The following CLDN16 variants were observed in gnomAD, a reference collection of about 807,000 sequenced individuals.
CLDN16 encodes the protein claudin-16.
CLDN16 carries 13 observed loss-of-function variants against 24.6 expected under a neutral mutation model. The ratio of observed to expected loss-of-function variants is 0.53; its 90% CI spans 0.34 to 0.84. The LOEUF (loss-of-function observed/expected upper bound fraction) is 0.84, where lower values mean the gene tolerates loss of function less well. CLDN16 is among the 40% of genes least tolerant of loss of function. The probability of loss-of-function intolerance (pLI) is 0.01; values close to 1 mark genes in which losing one functional copy is unlikely to be tolerated. For synonymous variants in CLDN16, 116 were observed against 106.7 expected (o/e 1.09, Z -0.54); for missense variants, 298 against 292.7 (o/e 1.02, Z -0.13).
Position 190,410,803 on chromosome 3 carries a change from TG to T in CLDN16, c.*768del, listed in dbSNP as rs886058249. 1.3e-5 allele frequency: 2 copies of T among 152,220 alleles called. No individual in the cohort carries two copies. The highest frequency in any genetic ancestry group is 2.9e-5 in the Non-Finnish European group (2 of 68,048). The allele number at this position is 152,220 out of a possible 1,614,324, so 9.4% of individuals were successfully genotyped here. A position where few individuals can be genotyped will look rare whatever the true frequency, so the allele number is the denominator to read the frequency against. ...TCAACCAGAGAATTTACTCATTTAT[TG>T]ATTAAACATCCAAATACTATTGTAA... On this transcript the variant is annotated 3_prime_UTR_variant, in exon 5 of 5. Transcript: ENST00000264734.
chr3:190,364,948 C>CT (rs1024174266), intron 1 of CLDN16, among the ~76,000 whole-genome samples: 1 of 151,478 alleles, frequency 6.6e-6, no homozygotes, highest in African/African-American at 2.4e-5. Context: ...TCTGTCTCTT[C>CT]TTTTTTTTCT....
At chr3:190,318,878 C>A (rs1716839642), upstream of CLDN16, among the ~76,000 whole-genome samples, 2 of 152,082 alleles carry the variant, frequency 1.3e-5, no homozygotes, top group Admixed American at 6.6e-5. Flanking sequence ...AGCTCACAGC[C>A]ACCAATACTC....
upstream of CLDN16, among the ~76,000 whole-genome samples, chr3:190,319,860 T>C (rs1716871153): frequency 6.6e-6 from 1 of 152,158 alleles, no homozygotes; most frequent in African/African-American, 2.4e-5. Context: ...GGCAGAGAAA[T>C]GAAGTAAGGT....
intron 2 of CLDN16, among the ~76,000 whole-genome samples, chr3:190,373,350 C>G (rs1434681429): frequency 6.6e-6 from 1 of 151,942 alleles, no homozygotes; most frequent in African/African-American, 2.4e-5. Context: ...TACTTTACAC[C>G]TACGACCACA....
chr3:190,352,142 T>C lies in CLDN16; in HGVS notation n.122-18751T>C, dbSNP rs549354658. 6.0e-5 allele frequency among the ~76,000 whole-genome samples: 8 copies of C among 133,458 alleles called. No individual in the cohort carries two copies. The East Asian group carries it at 1.6e-3, about 27-fold the overall frequency. 87.6% of individuals were successfully genotyped at this position (133,458 alleles called of 152,430 possible). A position where few individuals can be genotyped will look rare whatever the true frequency, so the allele number is the denominator to read the frequency against. ...TGAAACTAGAAGGCAATTGAAAAAG[T>C]TTTTTTTTTTTTAAAAAAAGACAAA... On this transcript the variant is annotated intron_variant and non_coding_transcript_variant, in intron 1 of 4. Transcript: ENST00000468220.
chr3:190,404,281 T>G (rs1719033225), intron 2 of CLDN16, among the ~76,000 whole-genome samples: 1 of 152,144 alleles, frequency 6.6e-6, no homozygotes, highest in Non-Finnish European at 1.5e-5. Flanking sequence ...CAAAAAGAAG[T>G]CTTGAAATAT....
At chr3:190,363,596 A>ATATATATATATATT (rs1460049752) in intron 1 of CLDN16, among the ~76,000 whole-genome samples, 6 of 131,174 alleles carry the variant, frequency 4.6e-5, no homozygotes, top group Non-Finnish European at 6.5e-5. Flanking sequence ...ATATATATAT[A>ATATATATATATATT]TTTTCTTTCT....
the CLDN16 span, among the ~76,000 whole-genome samples, chr3:190,304,645 A>G: frequency 3.9e-5 from 6 of 152,180 alleles, no homozygotes; most frequent in Admixed American, 3.3e-4. Context: ...GTTGCATGAT[A>G]CCAGCTAAAT....
chr3:190,410,145 A>C lies in CLDN16; in HGVS notation c.*109A>C. 8.1e-7 allele frequency: 1 copy of C among 1,230,718 alleles called. No homozygotes were observed. The highest frequency in any genetic ancestry group is 1.2e-6 in the Non-Finnish European group (1 of 837,744). The allele number at this position is 1,230,718 out of a possible 1,614,324, so 76.2% of individuals were successfully genotyped here. On this transcript the variant is annotated 3_prime_UTR_variant, in exon 5 of 5. Transcript: ENST00000264734. ...AGTTATTTAGAATTCATATTGAATT[A>C]AATTAATTGCTAGCTTAATCAAAAT... is the stretch of plus-strand genomic sequence containing the variant.
intron 1 of CLDN16, among the ~76,000 whole-genome samples, chr3:190,365,577 A>C (rs1413124837): frequency 6.7e-6 from 1 of 149,132 alleles, no homozygotes; most frequent in African/African-American, 2.5e-5. Flanking sequence ...AACCAGCCTC[A>C]CAACTCTAAT....
chr3:190,355,356 C>T (rs188125111), intron 1 of CLDN16, among the ~76,000 whole-genome samples: 2 of 151,916 alleles, frequency 1.3e-5, no homozygotes, highest in Admixed American at 1.3e-4. Flanking sequence ...TAGCCAAATA[C>T]TTAAAAATTA....
chr3:190,337,374 C>T (rs1047111343), intron 1 of CLDN16, among the ~76,000 whole-genome samples: 4 of 152,164 alleles, frequency 2.6e-5, no homozygotes, highest in Admixed American at 2.6e-4. Context: ...GAAGAACTCA[C>T]CATTACGTGT....
At chr3:190,389,528 T>C (rs1718597171) in intron 1 of CLDN16, among the ~76,000 whole-genome samples, 1 of 152,336 alleles carries the variant, frequency 6.6e-6, no homozygotes, top group African/African-American at 2.4e-5. Context: ...CTGCTCGCTT[T>C]TTCTTGCTTT....
chr3:190,363,554 GTGTATA>G lies in CLDN16; in HGVS notation n.122-7337_122-7332del, dbSNP rs1336304821. Among the ~76,000 whole-genome samples the G allele has an allele frequency of 6.7e-3, 545 of 81,346 alleles. 29 individuals are homozygous for G. Among genetic ancestry groups the G allele is most frequent in the Middle Eastern group, 0.011 (1 of 90 alleles). 53.4% of individuals were successfully genotyped at this position (81,346 alleles called of 152,430 possible). A position where few individuals can be genotyped will look rare whatever the true frequency, so the allele number is the denominator to read the frequency against. Reference sequence around the variant, plus strand: ...CCAGTTGCTGTGCGTGTGTGTGTGTGTGTATATATATATATATATATATATATATAT... The same window carrying G: ...CCAGTTGCTGTGCGTGTGTGTGTGTGTATATATATATATATATATATATAT... On this transcript the variant is annotated intron_variant and non_coding_transcript_variant, in intron 1 of 4. Transcript: ENST00000468220.
chr3:190,336,225 A>G (rs1717301203), intron 1 of CLDN16, among the ~76,000 whole-genome samples: 1 of 152,210 alleles, frequency 6.6e-6, no homozygotes, highest in Non-Finnish European at 1.5e-5. Flanking sequence ...TGAGCCGGTG[A>G]ACCATAGGCC....
At chr3:190,358,693 G>A (rs1577408461) in intron 1 of CLDN16, among the ~76,000 whole-genome samples, 2 of 152,008 alleles carry the variant, frequency 1.3e-5, no homozygotes, top group East Asian at 3.9e-4. Flanking sequence ...TTATTGCTCA[G>A]AGCTTCAACA....
chr3:190,351,832 G>A (rs1717677585), intron 1 of CLDN16, among the ~76,000 whole-genome samples: 1 of 151,962 alleles, frequency 6.6e-6, no homozygotes, highest in Non-Finnish European at 1.5e-5. Flanking sequence ...CATTCTAAAA[G>A]GAAAGGTAAT....
At chr3:190,399,480 A>G (rs1718906793) in intron 1 of CLDN16, among the ~76,000 whole-genome samples, 1 of 151,764 alleles carries the variant, frequency 6.6e-6, no homozygotes, top group Non-Finnish European at 1.5e-5. Flanking sequence ...ATTGCACTCC[A>G]GCCTGGGGAA....
At chr3:190,338,921 A>G (rs1437747280) in intron 1 of CLDN16, among the ~76,000 whole-genome samples, 1 of 152,108 alleles carries the variant, frequency 6.6e-6, no homozygotes, top group African/African-American at 2.4e-5. Flanking sequence ...TTGGCTGATA[A>G]CTGCTCAAGT....
Sources: gnomAD v4.1 joint callset for allele counts (sites outside exome capture counted in the v4.1 genomes callset) on GRCh38, gnomAD v4.1.1 for gene constraint, MANE v1.5 for transcripts, NCBI Gene and HGNC (gene_info 2026-07-23, HGNC 2026-07-21) for gene names.